SEPTIN10: variants seen among roughly 807,000 people sequenced by gnomAD.
The protein encoded by SEPTIN10 is septin-10.
A neutral mutation model predicts 54.8 loss-of-function variants in SEPTIN10; 66 were observed. That is an observed-to-expected ratio of 1.21 (90% confidence interval 0.99 to 1.48). The LOEUF (loss-of-function observed/expected upper bound fraction) is 1.48, where lower values mean the gene tolerates loss of function less well. SEPTIN10 is among the 40% of genes most tolerant of loss of function. The pLI is 0.00. For missense variants in SEPTIN10, 620 were observed against 545.6 expected, an observed-to-expected ratio of 1.14 and a Z score of -1.36; for synonymous variants, 161 against 181.0, an observed-to-expected ratio of 0.89 and a Z score of 0.89.
At chr2:109,566,028 C>T (rs1227116474) in intron 6 of SEPTIN10, among the ~76,000 whole-genome samples, 169 bp from the exon 7 acceptor site, 1 of 152,088 alleles carries the variant, frequency 6.6e-6, no homozygotes, top group African/African-American at 2.4e-5. Flanking sequence ...GCTAACTGTT[C>T]TACAAGAGTC....
chr2:109,561,495 G>A (rs1014786511), intron 8 of SEPTIN10, among the ~76,000 whole-genome samples: 1 of 152,082 alleles, frequency 6.6e-6, no homozygotes, highest in Admixed American at 6.6e-5. Context: ...GCATTTAGCA[G>A]AGCCTTTTAA....
intron 9 of SEPTIN10, chr2:109,552,870 A>G (rs534604914): frequency 1.9e-5 from 10 of 522,196 alleles, no homozygotes; most frequent in Non-Finnish European, 6.6e-6. Flanking sequence ...TAGTGACTCC[A>G]TAAATGTACT....
chr2:109,553,249 T>TA (rs779291252), intron 8 of SEPTIN10, 30 bp from the exon 9 acceptor site: 25 of 1,610,742 alleles, frequency 1.6e-5, no homozygotes, highest in Non-Finnish European at 2.0e-5. Context: ...ACTCTCCTGC[T>TA]AAAAAGTGAT....
At chr2:109,555,478 G>T (rs1187086194) in intron 8 of SEPTIN10, among the ~76,000 whole-genome samples, 1 of 152,120 alleles carries the variant, frequency 6.6e-6, no homozygotes, top group African/African-American at 2.4e-5. Flanking sequence ...CTCCCCTGTT[G>T]CAGGCCAAAA....
chr2:109,593,429 G>A (rs908873247), intron 1 of SEPTIN10, among the ~76,000 whole-genome samples: 14 of 50,908 alleles, frequency 2.8e-4, no homozygotes, highest in African/African-American at 5.2e-4. Context: ...TTTTTGAGAC[G>A]GCATCTTGCT....
intron 3 of SEPTIN10, 41 bp from the exon 4 acceptor site, chr2:109,585,362 G>T: frequency 6.8e-7 from 1 of 1,476,226 alleles, no homozygotes; most frequent in Non-Finnish European, 9.2e-7. Flanking sequence ...TGCATGAATG[G>T]CTGAAAAGAA....
intron 1 of SEPTIN10, among the ~76,000 whole-genome samples, chr2:109,610,677 T>C (rs986174848): frequency 1.2e-4 from 19 of 152,092 alleles, no homozygotes; most frequent in African/African-American, 4.6e-4. Flanking sequence ...GATCATGCTA[T>C]TGAACTCCAG....
chr2:109,586,336 G>T (rs892464), intron 2 of SEPTIN10, among the ~76,000 whole-genome samples: 48,412 of 152,050 alleles, frequency 0.32, 7,939 homozygotes, highest in Admixed American at 0.42. Flanking sequence ...TGCAACCAAA[G>T]GCAGATAGAC....
chr2:109,598,434 T>C (rs1411425619), intron 1 of SEPTIN10, among the ~76,000 whole-genome samples: 1 of 152,152 alleles, frequency 6.6e-6, no homozygotes, highest in Non-Finnish European at 1.5e-5. Flanking sequence ...GTCCAAAATA[T>C]AGAACCAAAG....
intron 4 of SEPTIN10, among the ~76,000 whole-genome samples, chr2:109,578,857 T>C (rs150981272): frequency 6.6e-6 from 1 of 152,210 alleles, no homozygotes; most frequent in Non-Finnish European, 1.5e-5. Flanking sequence ...TACAGGGTAG[T>C]TTATAATACT....
At chr2:109,561,822 T>C (rs1055075662) in intron 8 of SEPTIN10, among the ~76,000 whole-genome samples, 2 of 152,110 alleles carry the variant, frequency 1.3e-5, no homozygotes, top group Admixed American at 6.5e-5. Flanking sequence ...GCAAAAATAA[T>C]TTATCAGTGG....
chr2:109,602,435 G>A (rs1227298994), intron 1 of SEPTIN10, among the ~76,000 whole-genome samples: 1 of 152,094 alleles, frequency 6.6e-6, no homozygotes, highest in Non-Finnish European at 1.5e-5. Flanking sequence ...CAGCACCTTG[G>A]GAGGCCAAGG....
chr2:109,593,336 C>G (rs1173110435), intron 1 of SEPTIN10, among the ~76,000 whole-genome samples: 1 of 151,346 alleles, frequency 6.6e-6, no homozygotes, highest in Non-Finnish European at 1.5e-5. Flanking sequence ...TCAACATATA[C>G]AGTAATATAC....
intron 9 of SEPTIN10, among the ~76,000 whole-genome samples, chr2:109,547,341 T>C (rs1052665325): frequency 4.0e-5 from 6 of 151,812 alleles, no homozygotes; most frequent in African/African-American, 1.5e-4. Context: ...CACCCCTGTA[T>C]ATGTGAAATA....
chr2:109,606,766 G>A (rs1281543744), intron 1 of SEPTIN10, among the ~76,000 whole-genome samples: 3 of 127,546 alleles, frequency 2.4e-5, no homozygotes, highest in Non-Finnish European at 3.1e-5. Flanking sequence ...TGCAACCTCC[G>A]TCTCGCAGGT....
chr2:109,546,245 C>T lies in SEPTIN10; in HGVS notation c.1162-8G>A. 6.5e-7 allele frequency: 1 copy of T among 1,533,896 alleles called. No individual in the cohort carries two copies. Among genetic ancestry groups the T allele is most frequent in the Admixed American group, 2.1e-5 (1 of 47,580 alleles). ...CTCAAATTTGGCCTGTAGCTGGAAACAAAAGTGCAATCCCCACTACTGACA... is the reference window on the plus strand; with the variant it reads ...CTCAAATTTGGCCTGTAGCTGGAAATAAAAGTGCAATCCCCACTACTGACA... On this transcript the variant is annotated splice_region_variant and splice_polypyrimidine_tract_variant and intron_variant, in intron 9 of 10. Coordinates refer to ENST00000397712, the MANE Select transcript of SEPTIN10 (RefSeq NM_144710.5).
At chr2:109,549,160 CAA>C (rs1273469957) in intron 9 of SEPTIN10, among the ~76,000 whole-genome samples, 1 of 152,124 alleles carries the variant, frequency 6.6e-6, no homozygotes, top group Non-Finnish European at 1.5e-5. Flanking sequence ...GTGGCACAAA[CAA>C]AGAGTGGCAG....
At position 109,561,446 on chromosome 2, in the gene SEPTIN10, C is replaced by T. The variant is rs545638638; in HGVS notation, c.1028+2920G>A. The stretch of plus-strand genomic sequence containing the variant: ...GGTGTTTAATTTTTGAACTCCCCTA[C>T]AAGAACATAAACTCCATGCAAAATA... On this transcript the variant is annotated intron_variant, in intron 8 of 10. Transcript: ENST00000397712. Among the ~76,000 whole-genome samples, 241 of 152,242 alleles carry T rather than the reference C, an allele frequency of 1.6e-3. 2 individuals carry two copies. The Middle Eastern group carries it at 0.02, about 13-fold the overall frequency.
intron 9 of SEPTIN10, chr2:109,552,479 T>TGGA (rs139296165): frequency 0.037 from 5,584 of 152,350 alleles, 154 homozygotes; most frequent in Non-Finnish European, 0.049. Context: ...CCATTTCTAA[T>TGGA]GGAAGAATAT....
Sources: allele counts gnomAD v4.1 joint callset (sites outside exome capture counted in the v4.1 genomes callset), GRCh38; gene constraint gnomAD v4.1.1; transcripts MANE v1.5; gene names NCBI Gene and HGNC (gene_info 2026-07-23, HGNC 2026-07-21).